The following CASC3 variants were observed in gnomAD, a reference collection of about 807,000 sequenced individuals.
CASC3 encodes CASC3 exon junction complex subunit.
CASC3 carries 30 observed loss-of-function variants against 80.5 expected under a neutral mutation model. The observed-to-expected ratio is 0.37, with a 90% CI of 0.28 to 0.51. The LOEUF is 0.51. Among genes scored for constraint, CASC3 ranks in the 20% least tolerant of loss-of-function variants. The pLI, the probability that CASC3 is intolerant of heterozygous loss-of-function variation, is 0.94. For synonymous variants in CASC3, 312 were observed against 333.6 expected (o/e 0.94, Z 0.70); for missense variants, 824 against 922.2 (o/e 0.89, Z 1.38).
At chr17:40,141,380 G>A in intron 2 of CASC3, 146 bp downstream of exon 2, 1 of 869,578 alleles carries the variant, frequency 1.1e-6, no homozygotes, top group Non-Finnish European at 1.9e-6. Flanking sequence ...TAAGAGCATA[G>A]GCTTTAGCAG....
intron 5 of CASC3, among the ~76,000 whole-genome samples, chr17:40,162,520 CTGTT>C (rs1269732621): frequency 6.6e-6 from 1 of 152,086 alleles, no homozygotes; most frequent in African/African-American, 2.4e-5. Context: ...ATTTCTGTGT[CTGTT>C]ATATTTGAGC....
rs752773013 is a variant in CASC3, at chr17:40,164,022, A to G, written c.1327A>G (p.Thr443Ala). The G allele has an allele frequency of 3.1e-6, 5 of 1,613,550 alleles. No individual in the cohort carries two copies. In the South Asian group the frequency reaches 3.3e-5, roughly 11 times the overall value. ...PAPPVPETTP[T>A]PPTKTGTWEA... ...ACCTCCAGTCCCAGAAACCACCCCA[A>G]CTCCACCTACTAAGACTGGGACCTG... is the stretch of plus-strand genomic sequence containing the variant. Residue 443 changes from threonine to alanine, a missense_variant, in exon 7 of 14, where the codon ACT becomes GCT. Transcript: ENST00000264645.
intron 3 of CASC3, among the ~76,000 whole-genome samples, chr17:40,160,800 A>G (rs960294303): frequency 3.3e-5 from 5 of 151,850 alleles, no homozygotes; most frequent in Non-Finnish European, 5.9e-5. Context: ...CGAACTCCTG[A>G]CCTCAAGTGA....
chr17:40,160,163 A>G (rs1309208950), intron 3 of CASC3, among the ~76,000 whole-genome samples: 1 of 152,168 alleles, frequency 6.6e-6, no homozygotes, highest in Non-Finnish European at 1.5e-5. Context: ...TTCACAACTT[A>G]CGTCAAAGTA....
intron 8 of CASC3, 123 bp downstream of exon 8, chr17:40,166,984 A>T: frequency 1.4e-6 from 1 of 703,764 alleles, no homozygotes; most frequent in Non-Finnish European, 2.3e-6. Context: ...TTTGAGACAG[A>T]GTCTCGCTCT....
In CASC3 at chr17:40,168,393, G is replaced by T; in HGVS notation, c.1941G>T (p.Pro647=). ...CAGGGGCACTGCCTCCCCCACCACCGCCTCATCTGTATCCTAATACACAGG... is the reference window on the plus strand; with the variant it reads ...CAGGGGCACTGCCTCCCCCACCACCTCCTCATCTGTATCCTAATACACAGG... ...YAPGALPPPP[P]PHLYPNTQAP... The change falls in exon 11 of 14, where the codon CCG becomes CCT. Residue 647 remains proline (P), a synonymous_variant. Transcript: ENST00000264645. 6.2e-7 allele frequency: 1 copy of T among 1,613,826 alleles called. No homozygotes were observed. Among genetic ancestry groups the T allele is most frequent in the Non-Finnish European group, 8.5e-7 (1 of 1,179,868 alleles).
At chr17:40,154,034 A>G (rs1227201602) in intron 3 of CASC3, among the ~76,000 whole-genome samples, 1 of 149,750 alleles carries the variant, frequency 6.7e-6, no homozygotes, top group Non-Finnish European at 1.5e-5. Context: ...ATTTGATTCT[A>G]GATGTCCTAT....
At chr17:40,166,962 T>C in intron 8 of CASC3, 101 bp downstream of exon 8, 1 of 877,218 alleles carries the variant, frequency 1.1e-6, no homozygotes, top group East Asian at 2.9e-5. Context: ...TTCTTTTCTT[T>C]CTTTCTTTTT....
chr17:40,164,516 C>G (rs550789995), intron 7 of CASC3, among the ~76,000 whole-genome samples: 1 of 148,788 alleles, frequency 6.7e-6, no homozygotes, highest in East Asian at 2.0e-4. Context: ...GGCACGATCT[C>G]GGCTCACTGT....
Position 40,169,742 on chromosome 17 carries a change from C to CTTTTTTTTT in CASC3, c.*41+103_*41+111dup, listed in dbSNP as rs56186811. ...ATAAACAAAAATCACTTAATTAATG[C>CTTTTTTTTT]TTTTTTTTTTTTTTTTTTTTTTTTT... On this transcript the variant is annotated intron_variant, in intron 13 of 13. Transcript: ENST00000264645. 29 of 96,520 alleles carry CTTTTTTTTT rather than the reference C, an allele frequency of 3.0e-4. 6 individuals carry two copies. Among genetic ancestry groups the CTTTTTTTTT allele is most frequent in the African/African-American group, 2.1e-3 (25 of 11,728 alleles). The allele number at this position is 96,520 out of a possible 1,614,324, so 6.0% of individuals were successfully genotyped here.
intron 3 of CASC3, among the ~76,000 whole-genome samples, chr17:40,156,764 G>T (rs925692621): frequency 1.3e-5 from 2 of 152,120 alleles, no homozygotes; most frequent in African/African-American, 4.8e-5. Flanking sequence ...TCCTGTCTGG[G>T]TACAGTCACT....
intron 1 of CASC3, 175 bp from the exon 2 acceptor site, chr17:40,141,031 GC>G: frequency 1.5e-6 from 1 of 666,720 alleles, no homozygotes; most frequent in Non-Finnish European, 2.6e-6. Flanking sequence ...AGAAGTCGGG[GC>G]TGGAGGGAAG....
chr17:40,170,416 G>C, intron 13 of CASC3, 31 bp from the exon 14 acceptor site: 1 of 985,552 alleles, frequency 1.0e-6, no homozygotes, highest in Non-Finnish European at 1.2e-6. Flanking sequence ...TAACACTTTG[G>C]TGGTTCTTCC....
intron 3 of CASC3, among the ~76,000 whole-genome samples, chr17:40,156,092 G>A (rs1190590754): frequency 2.6e-5 from 4 of 152,142 alleles, no homozygotes; most frequent in Non-Finnish European, 5.9e-5. Context: ...AAATCAGTAC[G>A]TGTGTGTAGG....
At chr17:40,156,263 A>G (rs754038146) in intron 3 of CASC3, among the ~76,000 whole-genome samples, 1 of 152,168 alleles carries the variant, frequency 6.6e-6, no homozygotes, top group South Asian at 2.1e-4. Context: ...GGAAGAATCA[A>G]TGGTGCTCAG....
At position 40,167,611 on chromosome 17, in the gene CASC3, A is replaced by G; in HGVS notation, c.1650A>G (p.Pro550=). ...ISIMEGHYYD[P]LQFQGPIYTH... is the part of the protein sequence containing the mutation. ...TCATGGAGGGACATTACTATGATCC[A>G]CGTGAGTTTTTTCTTACTGTTGGGG... The change falls in exon 9 of 14, where the codon CCA becomes CCG. Residue 550 remains proline (P), a splice_region_variant and synonymous_variant. Coordinates refer to ENST00000264645, the MANE Select transcript of CASC3 (RefSeq NM_007359.5). The G allele has an allele frequency of 6.2e-7, 1 of 1,609,522 alleles. No homozygotes were observed. Among genetic ancestry groups the G allele is most frequent in the Non-Finnish European group, 8.5e-7 (1 of 1,175,960 alleles).
At chr17:40,153,573 G>T (rs181348121) in intron 3 of CASC3, among the ~76,000 whole-genome samples, 1 of 152,108 alleles carries the variant, frequency 6.6e-6, no homozygotes, top group African/African-American at 2.4e-5. Context: ...AACTAGAACC[G>T]CCATACTGTT....
chr17:40,167,250 C>T (rs528991973), intron 8 of CASC3: 21 of 545,628 alleles, frequency 3.8e-5, no homozygotes, highest in Admixed American at 1.4e-4. Context: ...TGAGCCACCA[C>T]GCCCGGCCAA....
At chr17:40,160,186 A>G (rs1022503256) in intron 3 of CASC3, among the ~76,000 whole-genome samples, 1 of 152,190 alleles carries the variant, frequency 6.6e-6, no homozygotes, top group African/African-American at 2.4e-5. Flanking sequence ...GTTATTAGGC[A>G]CTGCATGTTT....
Sources: allele counts gnomAD v4.1 joint callset (sites outside exome capture counted in the v4.1 genomes callset), GRCh38; gene constraint gnomAD v4.1.1; transcripts MANE v1.5; gene names NCBI Gene and HGNC (gene_info 2026-07-23, HGNC 2026-07-21).